TMBIM4: variants seen among roughly 807,000 people sequenced by gnomAD.
TMBIM4 encodes protein lifeguard 4.
In TMBIM4, 28 loss-of-function variants were observed where a neutral mutation model predicts 27.7. The observed-to-expected ratio is 1.01, with a 90% CI of 0.75 to 1.38. The LOEUF is 1.38. Among genes scored for constraint, TMBIM4 ranks in the 40% most tolerant of loss-of-function variants. The pLI, the probability that TMBIM4 is intolerant of heterozygous loss-of-function variation, is 0.00. For missense variants in TMBIM4, 265 were observed against 277.5 expected (o/e 0.95, Z 0.32); for synonymous variants, 115 against 113.1 (o/e 1.02, Z -0.11).
At chr12:66,156,125 A>G (rs1017173458) in intron 1 of TMBIM4, among the ~76,000 whole-genome samples, 6 of 152,220 alleles carry the variant, frequency 3.9e-5, no homozygotes, top group Admixed American at 3.9e-4. Flanking sequence ...AAAAAGTAGC[A>G]AAGGACATGC....
In TMBIM4 at chr12:66,169,862, G is replaced by T; in HGVS notation, c.90C>A (p.Ile30=). Residue 30 remains isoleucine (I), a synonymous_variant, in exon 1 of 7, where the codon ATC becomes ATA. Coordinates refer to ENST00000358230, the MANE Select transcript of TMBIM4 (RefSeq NM_016056.4). Reference sequence around the variant, plus strand: ...GGAGAGGGGACAACGTACCCATTCGGATGTGCACGGTGGCGGAGGCCACGC... The same window carrying T: ...GGAGAGGGGACAACGTACCCATTCGTATGTGCACGGTGGCGGAGGCCACGC... ...GSSVASATVH[I]RMAFLRKVYS... The T allele has an allele frequency of 1.3e-6, 2 of 1,514,148 alleles. No individual in the cohort carries two copies. The highest frequency in any genetic ancestry group is 5.6e-5 in the East Asian group (2 of 35,916). The allele number at this position is 1,514,148 out of a possible 1,614,324, so 93.8% of individuals were successfully genotyped here.
intron 1 of TMBIM4, among the ~76,000 whole-genome samples, chr12:66,166,086 C>T (rs2052121756): frequency 6.6e-6 from 1 of 152,054 alleles, no homozygotes; most frequent in African/African-American, 2.4e-5. Flanking sequence ...TTTTTGTATA[C>T]AGTTTAAGGT....
chr12:66,141,123 C>T (rs1027065952), intron 5 of TMBIM4, among the ~76,000 whole-genome samples: 5 of 151,818 alleles, frequency 3.3e-5, no homozygotes, highest in Admixed American at 2.0e-4. Context: ...AAAGAAGTCC[C>T]TTAGTCAAAT....
intron 5 of TMBIM4, chr12:66,144,763 T>C (rs2051723861): frequency 6.6e-6 from 1 of 151,920 alleles, no homozygotes; most frequent in African/African-American, 2.4e-5. Context: ...AGAAAGAAAA[T>C]ATCATAAGAA....
chr12:66,139,554 G>T (rs1316612933), intron 5 of TMBIM4: 1 of 453,582 alleles, frequency 2.2e-6, no homozygotes, highest in Admixed American at 2.4e-5. Context: ...AGGCCAGCGT[G>T]TAGGGATAAG....
At chr12:66,149,986 G>A (rs553887659) in intron 3 of TMBIM4, among the ~76,000 whole-genome samples, 177 of 152,216 alleles carry the variant, frequency 1.2e-3, no homozygotes, top group Non-Finnish European at 2.0e-3. Context: ...AAAGGTCCCT[G>A]AGTAATTTAA....
At chr12:66,155,359 A>AGAGAGAGAGAGAGAGAGAGAGAGAGAGG (rs1319061177) in intron 1 of TMBIM4, among the ~76,000 whole-genome samples, 31 of 150,614 alleles carry the variant, frequency 2.1e-4, no homozygotes, top group Non-Finnish European at 1.8e-4. Context: ...AGAGAGAGAG[A>AGAGAGAGAGAGAGAGAGAGAGAGAGAGG]GGCAGGGTCT....
rs546053857 is a variant in TMBIM4, at chr12:66,163,272, T to G, written c.97+6583A>C. 2.6e-5 allele frequency among the ~76,000 whole-genome samples: 4 copies of G among 152,322 alleles called. No homozygotes were observed. The South Asian group carries it at 8.3e-4, about 32-fold the overall frequency. ...GAGTTAAATAGTTCTCATGCACTCC[T>G]ATTTCTTGCAGTACTAGTTCTTAAT... On this transcript the variant is annotated intron_variant, in intron 1 of 6. Transcript: ENST00000358230.
chr12:66,148,214 TTC>T (rs1389976386), intron 3 of TMBIM4, among the ~76,000 whole-genome samples: 2 of 152,210 alleles, frequency 1.3e-5, no homozygotes, highest in Admixed American at 6.5e-5. Flanking sequence ...ATATAGAACA[TTC>T]TGTTTTTCTT....
intron 3 of TMBIM4, among the ~76,000 whole-genome samples, chr12:66,150,722 T>C (rs2051832304): frequency 6.6e-6 from 1 of 152,158 alleles, no homozygotes; most frequent in Non-Finnish European, 1.5e-5. Flanking sequence ...GACCAGATTC[T>C]TTCTGACTCA....
At chr12:66,140,294 A>AT (rs377327662) in intron 5 of TMBIM4, among the ~76,000 whole-genome samples, 1 of 152,032 alleles carries the variant, frequency 6.6e-6, no homozygotes, top group East Asian at 1.9e-4. Flanking sequence ...GGAAGATACT[A>AT]TTTTTTTTCA....
At chr12:66,169,738 A>G in intron 1 of TMBIM4, 117 bp downstream of exon 1, 1 of 753,418 alleles carries the variant, frequency 1.3e-6, no homozygotes, top group Non-Finnish European at 2.0e-6. Context: ...GAGCTCAGTG[A>G]GCACTCCCTG....
rs769097884 is a variant in TMBIM4 at position 66,145,901 on chromosome 12, A to T, written c.404T>A (p.Phe135Tyr). ...LQAFILTTTV[F>Y]FGLTVYTLQS... The stretch of plus-strand genomic sequence containing the variant: ...TAGAGTATACACAGTCAAACCAAAA[A>T]ATACTGTAGTAGTCAGTATGAAAGC... Residue 135 changes from phenylalanine (F) to tyrosine (Y), a missense_variant, in exon 5 of 7, where the codon TTT (phenylalanine) becomes TAT (tyrosine). Physicochemically the swap from Phe to Tyr is conservative, Grantham distance 22. Transcript: ENST00000358230. The T allele has an allele frequency of 2.5e-6, 4 of 1,609,126 alleles. No homozygotes were observed. The highest frequency in any genetic ancestry group is 3.4e-6 in the Non-Finnish European group (4 of 1,176,222).
At chr12:66,167,896 T>C (rs951194783) in intron 1 of TMBIM4, among the ~76,000 whole-genome samples, 8 of 152,156 alleles carry the variant, frequency 5.3e-5, no homozygotes, top group African/African-American at 1.9e-4. Flanking sequence ...ATTTGGTATA[T>C]ACATACAAAG....
intron 1 of TMBIM4, among the ~76,000 whole-genome samples, chr12:66,162,678 G>T (rs1490470592): frequency 6.6e-6 from 1 of 152,136 alleles, no homozygotes; most frequent in African/African-American, 2.4e-5. Context: ...ACATAACATT[G>T]TTCTTTCTAA....
chr12:66,138,302 G>A, intron 6 of TMBIM4, 136 bp from the exon 7 acceptor site: 2 of 1,427,014 alleles, frequency 1.4e-6, no homozygotes, highest in Non-Finnish European at 1.8e-6. Flanking sequence ...AATGTTAAAA[G>A]CAGAAAAAGG....
chr12:66,158,034 C>G (rs143588569), intron 1 of TMBIM4, among the ~76,000 whole-genome samples: 341 of 148,226 alleles, frequency 2.3e-3, no homozygotes, highest in South Asian at 7.8e-3. Context: ...AGACCATCCT[C>G]GCTAACACGG....
Position 66,153,388 on chromosome 12 carries a change from G to A in TMBIM4, c.158C>T (p.Ser53Leu). 3 of 1,602,538 alleles carry A rather than the reference G, an allele frequency of 1.9e-6. No individual in the cohort carries two copies. The highest frequency in any genetic ancestry group is 2.6e-6 in the Non-Finnish European group (3 of 1,176,284). ...AGACTCAAAGTATAAAAAAACTGTT[G>A]AAGTCACTGTAGTTAAGAGAACCTG... ...SLQVLLTTVT[S>L]TVFLYFESVR... is the part of the protein sequence containing the mutation. Residue 53 changes from serine (S) to leucine (L), a missense_variant, in exon 2 of 7, where the codon TCA becomes TTA. Physicochemically the swap from Ser to Leu is moderately radical, Grantham distance 145 (BLOSUM62 -2). Coordinates refer to ENST00000358230, the MANE Select transcript of TMBIM4 (RefSeq NM_016056.4).
chr12:66,142,017 T>C (rs1247319498), intron 5 of TMBIM4, among the ~76,000 whole-genome samples: 1 of 152,068 alleles, frequency 6.6e-6, no homozygotes, highest in African/African-American at 2.4e-5. Context: ...AGCAGCAAAA[T>C]ACACATTCTT....
Sources: allele counts gnomAD v4.1 joint callset (sites outside exome capture counted in the v4.1 genomes callset), GRCh38; gene constraint gnomAD v4.1.1; transcripts MANE v1.5; gene names NCBI Gene and HGNC (gene_info 2026-07-23, HGNC 2026-07-21).